The following CRYZL1 variants were observed in gnomAD, a reference collection of about 807,000 sequenced individuals.
CRYZL1 encodes the protein ferry endosomal RAB5 effector complex subunit 4.
Under a neutral mutation model 50.6 loss-of-function variants are expected in CRYZL1, and 34 were observed. That is an observed-to-expected ratio of 0.67 (90% confidence interval 0.51 to 0.89). The LOEUF is 0.89. CRYZL1 is among the 40% of genes least tolerant of loss of function. The probability of loss-of-function intolerance (pLI) is 0.00; values close to 1 mark genes in which losing one functional copy is unlikely to be tolerated. For synonymous variants in CRYZL1, 125 were observed against 134.3 expected (o/e 0.93, Z 0.48); for missense variants, 354 against 402.3 (o/e 0.88, Z 1.03).
At chr21:33,633,142 A>C (rs1182053131) in intron 1 of CRYZL1, among the ~76,000 whole-genome samples, 2 of 152,240 alleles carry the variant, frequency 1.3e-5, no homozygotes, top group African/African-American at 4.8e-5. Context: ...ATAGACAGAC[A>C]CTTGAATTGT....
intron 6 of CRYZL1, among the ~76,000 whole-genome samples, chr21:33,605,168 GTCTTTT>G (rs1232035227): frequency 6.6e-6 from 1 of 151,880 alleles, no homozygotes; most frequent in Non-Finnish European, 1.5e-5. Context: ...CTATTGTTTT[GTCTTTT>G]TCTTATTTAG....
Position 33,593,192 on chromosome 21 carries a change from C to T in CRYZL1, c.905-1985G>A, listed in dbSNP as rs183953339. On this transcript the variant is annotated intron_variant, in intron 11 of 12. Transcript: ENST00000381554. ...CACGACCTCGGCTCACTGCAAGCTC[C>T]GCCTCCTGGGTTCATGCCATTCTCC... Among the ~76,000 whole-genome samples the T allele has an allele frequency of 2.7e-3, 406 of 152,142 alleles. 2 individuals are homozygous for T. Among genetic ancestry groups the T allele is most frequent in the African/African-American group, 9.2e-3 (383 of 41,526 alleles).
chr21:33,640,494 A>T (rs1209639648), intron 1 of CRYZL1, among the ~76,000 whole-genome samples: 1 of 152,048 alleles, frequency 6.6e-6, no homozygotes, highest in Non-Finnish European at 1.5e-5. Flanking sequence ...TATCTTAGAT[A>T]ATAATAGCAG....
chr21:33,612,255 A>G (rs1431329121), intron 6 of CRYZL1, among the ~76,000 whole-genome samples: 3 of 151,684 alleles, frequency 2.0e-5, no homozygotes, highest in African/African-American at 7.3e-5. Flanking sequence ...AGGTTCCATC[A>G]TTCCACATCC....
chr21:33,603,233 T>C (rs2086774280), intron 7 of CRYZL1, 171 bp downstream of exon 7: 1 of 687,528 alleles, frequency 1.5e-6, no homozygotes, highest in East Asian at 2.7e-5. Flanking sequence ...AAATCTAACT[T>C]TGATCTTCTA....
chr21:33,600,944 TTTTTTTTTTG>T (rs1228997149), intron 8 of CRYZL1, among the ~76,000 whole-genome samples: 1 of 114,716 alleles, frequency 8.7e-6, no homozygotes, highest in Non-Finnish European at 1.8e-5. Flanking sequence ...TTTTTTTTTT[TTTTTTTTTTG>T]GGGGCGGACT....
At chr21:33,631,403 A>T in intron 2 of CRYZL1, 83 bp downstream of exon 2, 2 of 976,072 alleles carry the variant, frequency 2.0e-6, no homozygotes, top group Non-Finnish European at 2.9e-6. Flanking sequence ...ATTAAGTCTC[A>T]CTGAAAATAA....
At chr21:33,641,137 A>G (rs1372179868) in intron 1 of CRYZL1, 11 of 1,548,612 alleles carry the variant, frequency 7.1e-6, no homozygotes, top group Non-Finnish European at 9.6e-6. Context: ...AGAAACGCAG[A>G]TGTTCGGCCC....
chr21:33,632,485 C>T (rs183329339), intron 1 of CRYZL1, among the ~76,000 whole-genome samples: 1,574 of 151,996 alleles, frequency 0.01, 14 homozygotes, highest in Middle Eastern at 0.02. Flanking sequence ...TCAAGCGATC[C>T]GCCTGCCTCA....
intron 6 of CRYZL1, among the ~76,000 whole-genome samples, chr21:33,605,569 T>A (rs552603990): frequency 9.1e-6 from 1 of 110,062 alleles, no homozygotes; most frequent in African/African-American, 3.8e-5. Flanking sequence ...GTCGCCAGGC[T>A]GGAGTGCAGT....
intron 2 of CRYZL1, 25 bp from the exon 3 acceptor site, chr21:33,624,785 A>G: frequency 1.9e-6 from 3 of 1,579,064 alleles, no homozygotes; most frequent in Non-Finnish European, 2.6e-6. Flanking sequence ...TAACAAAACA[A>G]TATGTTATTT....
In CRYZL1 at chr21:33,624,679, A is replaced by G. The variant is rs1008932280; in HGVS notation, c.144+4T>C. On this transcript the variant is annotated splice_donor_region_variant and intron_variant, in intron 3 of 12. Transcript: ENST00000381554. ...ACTTTGTGCCATAATAAAAGAACCAATACCTTTGTATTTATCTGGCTCAGA... is the reference window on the plus strand; with the variant it reads ...ACTTTGTGCCATAATAAAAGAACCAGTACCTTTGTATTTATCTGGCTCAGA... 6 of 1,607,862 alleles carry G rather than the reference A, an allele frequency of 3.7e-6. No homozygotes were observed. Among genetic ancestry groups the G allele is most frequent in the Non-Finnish European group, 5.1e-6 (6 of 1,178,288 alleles).
At chr21:33,610,705 A>C (rs2086862384) in intron 6 of CRYZL1, among the ~76,000 whole-genome samples, 1 of 150,848 alleles carries the variant, frequency 6.6e-6, no homozygotes, top group African/African-American at 2.4e-5. Flanking sequence ...TCAGTGCCTA[A>C]AGGAATGGGC....
rs115467590 is a variant in CRYZL1 at position 33,593,685 on chromosome 21, C to G, written c.904+2046G>C. On this transcript the variant is annotated intron_variant, in intron 11 of 12. Transcript: ENST00000381554. The stretch of plus-strand genomic sequence containing the variant: ...AGTCTAGTTTCCAACATGTAAGATT[C>G]AAAACTAATAGCTACAGCCGGGAGT... Among the ~76,000 whole-genome samples, 237 of 152,138 alleles carry G rather than the reference C, an allele frequency of 1.6e-3. 2 individuals are homozygous for G. The highest frequency in any genetic ancestry group is 5.6e-3 in the African/African-American group (232 of 41,518).
At chr21:33,629,679 AG>A (rs1260708288) in intron 2 of CRYZL1, among the ~76,000 whole-genome samples, 1 of 152,222 alleles carries the variant, frequency 6.6e-6, no homozygotes, top group East Asian at 1.9e-4. Context: ...ATCTGCAAAC[AG>A]GGATGGTTTG....
At chr21:33,606,048 CAT>C (rs2086811383) in intron 6 of CRYZL1, among the ~76,000 whole-genome samples, 1 of 152,128 alleles carries the variant, frequency 6.6e-6, no homozygotes, top group Non-Finnish European at 1.5e-5. Flanking sequence ...ACAGTAAAAA[CAT>C]ATTAAGCACC....
At chr21:33,589,982 T>A (rs2086626356) in intron 12 of CRYZL1, 61 bp from the exon 13 acceptor site, 1 of 974,134 alleles carries the variant, frequency 1.0e-6, no homozygotes, top group Non-Finnish European at 1.6e-6. Context: ...ACAAACAGGG[T>A]GGTATATGAC....
chr21:33,623,809 A>C (rs2087029254), intron 3 of CRYZL1, among the ~76,000 whole-genome samples: 1 of 152,256 alleles, frequency 6.6e-6, no homozygotes. Context: ...TCAATTTATC[A>C]TGGCACATTT....
Position 33,607,819 on chromosome 21 carries a change from A to C in CRYZL1, c.332-4282T>G, listed in dbSNP as rs117349897. Among the ~76,000 whole-genome samples, 1,335 of 152,298 alleles carry C rather than the reference A, an allele frequency of 8.8e-3. 12 individuals are homozygous for C. The highest frequency in any genetic ancestry group is 0.013 in the Non-Finnish European group (891 of 68,032). On this transcript the variant is annotated intron_variant, in intron 6 of 12. Transcript: ENST00000381554. ...CCTTTTACAAAAGGTTGGAGCTACA[A>C]CAGAGATTACAGGTTATTCAGTTGA...
Sources: gnomAD v4.1 joint callset for allele counts (sites outside exome capture counted in the v4.1 genomes callset) on GRCh38, gnomAD v4.1.1 for gene constraint, MANE v1.5 for transcripts, NCBI Gene and HGNC (gene_info 2026-07-23, HGNC 2026-07-21) for gene names.